HIPK3: variants seen among roughly 807,000 people sequenced by gnomAD.
HIPK3 encodes the protein homeodomain interacting protein kinase 3.
HIPK3 carries 47 observed loss-of-function variants against 124.2 expected under a neutral mutation model. The ratio of observed to expected loss-of-function variants is 0.38; its 90% CI spans 0.30 to 0.48. The LOEUF (loss-of-function observed/expected upper bound fraction) is 0.48. Ranked by LOEUF, HIPK3 falls within the 20% of genes least tolerant of loss-of-function variation. HIPK3 has a pLI of 0.98. For missense variants in HIPK3, 1,286 were observed against 1,454.3 expected (o/e 0.88, Z 1.88); for synonymous variants, 482 against 515.2 (o/e 0.94, Z 0.87).
rs1320253663 is a variant in HIPK3 at position 33,257,905 on chromosome 11, G to A, written c.-3+16G>A. ...CTCTAGGAAGGTAAGGGAGTCGAGC[G>A]AGGGGCGCCGCCACCCCGGGGTGGG... On this transcript the variant is annotated intron_variant, in intron 1 of 16. Coordinates refer to ENST00000303296, the MANE Select transcript of HIPK3 (RefSeq NM_005734.5). 2.7e-5 allele frequency: 27 copies of A among 985,490 alleles called. No individual in the cohort carries two copies. Among genetic ancestry groups the A allele is most frequent in the Non-Finnish European group, 3.1e-5 (26 of 830,162 alleles). 61.0% of individuals were successfully genotyped at this position (985,490 alleles called of 1,614,324 possible).
intron 1 of HIPK3, among the ~76,000 whole-genome samples, chr11:33,284,070 A>G (rs1267688085): frequency 1.3e-5 from 2 of 152,244 alleles, no homozygotes; most frequent in Non-Finnish European, 2.9e-5. Flanking sequence ...GTAAGTGCTC[A>G]GTAGGTAGTT....
At chr11:33,337,388 C>G (rs1340810447) in intron 4 of HIPK3, among the ~76,000 whole-genome samples, 194 bp downstream of exon 4, 1 of 151,256 alleles carries the variant, frequency 6.6e-6, no homozygotes, top group African/African-American at 2.4e-5. Context: ...TGGAGTTTCT[C>G]TCTCTCGCCC....
At chr11:33,262,553 T>A (rs940660560) in intron 1 of HIPK3, among the ~76,000 whole-genome samples, 1 of 152,218 alleles carries the variant, frequency 6.6e-6, no homozygotes, top group African/African-American at 2.4e-5. Context: ...ACTGGATGAA[T>A]ATTGTCAATA....
At chr11:33,258,287 C>T in intron 1 of HIPK3, 1 of 984,966 alleles carries the variant, frequency 1.0e-6, no homozygotes, top group Non-Finnish European at 1.2e-6. Context: ...AGCCTCTCTT[C>T]CCCCTCCGCA....
At chr11:33,288,857 A>G (rs767837050) in intron 2 of HIPK3, among the ~76,000 whole-genome samples, 1 of 152,208 alleles carries the variant, frequency 6.6e-6, no homozygotes, top group Non-Finnish European at 1.5e-5. Context: ...CCTGCCATCA[A>G]ATACAGACAA....
intron 1 of HIPK3, among the ~76,000 whole-genome samples, chr11:33,283,926 C>T (rs544508684): frequency 7.2e-5 from 11 of 152,204 alleles, no homozygotes; most frequent in African/African-American, 2.2e-4. Context: ...CTGCCCGCCT[C>T]GGCCTCCCAA....
rs370396153 is a variant in HIPK3, at chr11:33,311,837, T to TACACACACACACACACACAC, written c.1098-16660_1098-16641dup. The stretch of plus-strand genomic sequence containing the variant: ...GGGCAACATAGCAGGACCCTGTTTC[T>TACACACACACACACACACAC]ACACACACACACACACACACACACA... On this transcript the variant is annotated intron_variant, in intron 2 of 16. Coordinates refer to ENST00000303296, the MANE Select transcript of HIPK3 (RefSeq NM_005734.5). 4.4e-4 allele frequency among the ~76,000 whole-genome samples: 46 copies of TACACACACACACACACACAC among 104,486 alleles called. 1 individual carries two copies. The highest frequency in any genetic ancestry group is 1.1e-3 in the African/African-American group (29 of 26,576). 68.5% of individuals were successfully genotyped at this position (104,486 alleles called of 152,430 possible). A position where few individuals can be genotyped will look rare whatever the true frequency, so the allele number is the denominator to read the frequency against.
At chr11:33,260,423 C>T (rs1850791882) in intron 1 of HIPK3, among the ~76,000 whole-genome samples, 1 of 152,164 alleles carries the variant, frequency 6.6e-6, no homozygotes, top group African/African-American at 2.4e-5. Flanking sequence ...CAGAATGCCG[C>T]AATATTATTT....
At chr11:33,345,357 C>T (rs1853461674) in intron 8 of HIPK3, among the ~76,000 whole-genome samples, 1 of 152,048 alleles carries the variant, frequency 6.6e-6, no homozygotes, top group African/African-American at 2.4e-5. Context: ...TATTCATAAG[C>T]TTTTTATGTC....
At chr11:33,262,832 T>C (rs997332266) in intron 1 of HIPK3, among the ~76,000 whole-genome samples, 11 of 152,172 alleles carry the variant, frequency 7.2e-5, no homozygotes, top group Non-Finnish European at 1.3e-4. Flanking sequence ...ATTTTTTTCA[T>C]TTACAGACAG....
At position 33,352,129 on chromosome 11, in the gene HIPK3, C is replaced by T. The variant is rs369518627; in HGVS notation, c.3044-9C>T. The T allele has an allele frequency of 7.0e-5, 113 of 1,610,312 alleles. No individual in the cohort carries two copies. Among genetic ancestry groups the T allele is most frequent in the Non-Finnish European group, 8.9e-5 (105 of 1,177,340 alleles). On this transcript the variant is annotated splice_polypyrimidine_tract_variant and intron_variant, in intron 15 of 16. Coordinates refer to ENST00000303296, the MANE Select transcript of HIPK3 (RefSeq NM_005734.5). ...AGCATAAACTCTTTAATATTTTATT[C>T]GTCGCCAGATTCTATATGCCAGCCA... is the stretch of plus-strand genomic sequence containing the variant.
chr11:33,350,897 A>C (rs1438037120), intron 14 of HIPK3, among the ~76,000 whole-genome samples: 1 of 152,326 alleles, frequency 6.6e-6, no homozygotes, highest in South Asian at 2.1e-4. Context: ...GATAATGTAC[A>C]TAACTATACA....
intron 8 of HIPK3, among the ~76,000 whole-genome samples, 181 bp from the exon 9 acceptor site, chr11:33,347,112 A>G (rs1853516900): frequency 1.3e-5 from 2 of 151,916 alleles, no homozygotes; most frequent in South Asian, 2.1e-4. Context: ...TGAGTCCAGG[A>G]GGTTGAGGCC....
chr11:33,257,232 C>A (rs879266689), upstream of HIPK3: 1 of 983,924 alleles, frequency 1.0e-6, no homozygotes, highest in Non-Finnish European at 1.2e-6. Flanking sequence ...CGGGCGGACC[C>A]CGGGGAGGGG....
intron 8 of HIPK3, 57 bp from the exon 9 acceptor site, chr11:33,347,236 A>G (rs929939537): frequency 1.9e-5 from 28 of 1,472,066 alleles, no homozygotes; most frequent in South Asian, 6.2e-5. Context: ...AAATAATTGT[A>G]TAAGTTAAAT....
At chr11:33,294,926 A>G (rs954931318) in intron 2 of HIPK3, among the ~76,000 whole-genome samples, 6 of 152,090 alleles carry the variant, frequency 3.9e-5, no homozygotes, top group African/African-American at 1.4e-4. Context: ...GCCCTGTCTC[A>G]TTAGTGTCCT....
upstream of HIPK3, chr11:33,257,352 C>G: frequency 1.0e-6 from 1 of 984,592 alleles, no homozygotes. Context: ...CCGACGAGCG[C>G]GGAGGAGGGG....
At chr11:33,281,025 A>G (rs1851397797) in intron 1 of HIPK3, among the ~76,000 whole-genome samples, 1 of 140,178 alleles carries the variant, frequency 7.1e-6, no homozygotes, top group South Asian at 2.3e-4. Flanking sequence ...AATCTTTCTG[A>G]TTAGAGTTTT....
intron 2 of HIPK3, among the ~76,000 whole-genome samples, chr11:33,297,156 C>A (rs1054471043): frequency 1.3e-5 from 2 of 148,218 alleles, no homozygotes; most frequent in Non-Finnish European, 3.0e-5. Context: ...TGCAGTGGCA[C>A]AATCTTGGCT....
Sources: allele counts gnomAD v4.1 joint callset (sites outside exome capture counted in the v4.1 genomes callset), GRCh38; gene constraint gnomAD v4.1.1; transcripts MANE v1.5; gene names NCBI Gene and HGNC (gene_info 2026-07-23, HGNC 2026-07-21).